SCD5: variants seen among roughly 807,000 people sequenced by gnomAD.
The protein encoded by SCD5 is stearoyl-CoA desaturase 5.
A neutral mutation model predicts 30.4 loss-of-function variants in SCD5; 20 were observed. That is an observed-to-expected ratio of 0.66 (90% CI 0.46 to 0.96). The LOEUF (loss-of-function observed/expected upper bound fraction) is 0.96, where lower values mean the gene tolerates loss of function less well. Ranked by LOEUF, SCD5 falls within the 40% of genes least tolerant of loss-of-function variation. The pLI, the probability that SCD5 is intolerant of heterozygous loss-of-function variation, is 0.00. For synonymous variants in SCD5, 173 were observed against 176.4 expected (o/e 0.98, Z 0.16); for missense variants, 381 against 443.3 (o/e 0.86, Z 1.26).
chr4:82,655,508 T>C (rs1017089457), intron 3 of SCD5, among the ~76,000 whole-genome samples: 1 of 152,200 alleles, frequency 6.6e-6, no homozygotes, highest in Non-Finnish European at 1.5e-5. Flanking sequence ...TGAGTGTCTT[T>C]AAGTCGCTGC....
chr4:82,754,220 G>A (rs781656651), intron 1 of SCD5, among the ~76,000 whole-genome samples: 13 of 152,292 alleles, frequency 8.5e-5, no homozygotes, highest in Admixed American at 3.9e-4. Flanking sequence ...GAAATCAGAA[G>A]AGAAAGGAGA....
chr4:82,698,665 T>C (rs1306702852), intron 2 of SCD5, among the ~76,000 whole-genome samples: 1 of 152,196 alleles, frequency 6.6e-6, no homozygotes, highest in Admixed American at 6.5e-5. Context: ...GCTGGCCATC[T>C]TTCTGCTCCT....
At chr4:82,795,705 C>G (rs988659180) in intron 1 of SCD5, among the ~76,000 whole-genome samples, 1 of 150,564 alleles carries the variant, frequency 6.6e-6, no homozygotes, top group African/African-American at 2.5e-5. Flanking sequence ...ACCTGTAGTC[C>G]CAGCTACTTG....
chr4:82,754,480 C>T (rs536115574), intron 1 of SCD5, among the ~76,000 whole-genome samples: 117 of 152,274 alleles, frequency 7.7e-4, no homozygotes, highest in Non-Finnish European at 1.4e-3. Flanking sequence ...CTGGGTGGTC[C>T]TAAGAGGGAG....
chr4:82,745,500 T>A (rs914889074), intron 1 of SCD5, among the ~76,000 whole-genome samples: 5 of 152,108 alleles, frequency 3.3e-5, no homozygotes, highest in Non-Finnish European at 7.3e-5. Context: ...TAACCCAATG[T>A]TTGTTTGTTT....
intron 1 of SCD5, among the ~76,000 whole-genome samples, chr4:82,742,498 C>T (rs4629439): frequency 0.87 from 131,920 of 152,234 alleles, 57,475 homozygotes; most frequent in African/African-American, 0.94. Flanking sequence ...TAAAGATGCA[C>T]CTTTCTGGCC....
At chr4:82,659,429 T>C (rs994949462) in intron 3 of SCD5, among the ~76,000 whole-genome samples, 1 of 152,236 alleles carries the variant, frequency 6.6e-6, no homozygotes, top group African/African-American at 2.4e-5. Context: ...TATTAGGATG[T>C]CAATTTTAGA....
In SCD5 at chr4:82,631,160, G is replaced by A; in HGVS notation, c.*167C>T. ...AACGAAAGTTTTTTCATTGATAATT[G>A]TATTTCAACATTATTTTGAGATAAA... is the stretch of plus-strand genomic sequence containing the variant. On this transcript the variant is annotated 3_prime_UTR_variant, in exon 5 of 5. Coordinates refer to ENST00000319540, the MANE Select transcript of SCD5 (RefSeq NM_001037582.3). 1 of 523,842 alleles carries A rather than the reference G, an allele frequency of 1.9e-6. No homozygotes were observed. 32.4% of individuals were successfully genotyped at this position (523,842 alleles called of 1,614,324 possible).
chr4:82,692,978 G>C (rs753763583), intron 2 of SCD5, among the ~76,000 whole-genome samples: 1 of 152,188 alleles, frequency 6.6e-6, no homozygotes, highest in East Asian at 1.9e-4. Flanking sequence ...CTGGGGAAGC[G>C]AGGAGGAGAC....
At chr4:82,682,057 T>G (rs1164130403) in intron 2 of SCD5, among the ~76,000 whole-genome samples, 4 of 152,192 alleles carry the variant, frequency 2.6e-5, no homozygotes, top group Admixed American at 2.6e-4. Context: ...GGGGACAACT[T>G]TGGCTCCTTG....
intron 3 of SCD5, among the ~76,000 whole-genome samples, chr4:82,646,107 G>A (rs1727630036): frequency 6.6e-6 from 1 of 152,184 alleles, no homozygotes; most frequent in African/African-American, 2.4e-5. Context: ...CAACGGGTGA[G>A]AAAGAAATTA....
chr4:82,648,368 G>A (rs1213010917), intron 3 of SCD5, among the ~76,000 whole-genome samples: 1 of 152,216 alleles, frequency 6.6e-6, no homozygotes, highest in Non-Finnish European at 1.5e-5. Context: ...TGTGAAGAGG[G>A]TGTGTTGGGA....
intron 1 of SCD5, among the ~76,000 whole-genome samples, chr4:82,749,774 C>A (rs745863694): frequency 1.3e-5 from 2 of 152,230 alleles, no homozygotes. Flanking sequence ...GATACTAACA[C>A]ATTAGAAATC....
Position 82,793,827 on chromosome 4 carries a change from G to T in SCD5, c.232+4479C>A, listed in dbSNP as rs573241236. Among the ~76,000 whole-genome samples, 3 of 152,240 alleles carry T rather than the reference G, an allele frequency of 2.0e-5. No homozygotes were observed. The South Asian group carries it at 6.2e-4, about 32-fold the overall frequency. On this transcript the variant is annotated intron_variant, in intron 1 of 4. Transcript: ENST00000319540. ...GCTGGTAAGTAAGTAGAAGAGCAGGGATTCACATTCAGATCTGCCTGTCTA... is the reference window on the plus strand; with the variant it reads ...GCTGGTAAGTAAGTAGAAGAGCAGGTATTCACATTCAGATCTGCCTGTCTA...
intron 3 of SCD5, among the ~76,000 whole-genome samples, chr4:82,645,806 AC>A (rs1335564348): frequency 6.6e-6 from 1 of 152,254 alleles, no homozygotes; most frequent in African/African-American, 2.4e-5. Flanking sequence ...TAGTCTTGAA[AC>A]AAAAAATGTA....
intron 1 of SCD5, among the ~76,000 whole-genome samples, chr4:82,790,819 G>C (rs913183854): frequency 6.6e-5 from 10 of 152,070 alleles, no homozygotes; most frequent in Non-Finnish European, 1.3e-4. Context: ...AAAAAAGCCA[G>C]GGCATCTCTT....
chr4:82,729,944 T>G (rs1486881510), intron 1 of SCD5, among the ~76,000 whole-genome samples: 1 of 152,158 alleles, frequency 6.6e-6, no homozygotes, highest in Admixed American at 6.6e-5. Flanking sequence ...ACTTGCTGCC[T>G]TAGAAACTCA....
At position 82,629,963 on chromosome 4, in the gene SCD5, T is replaced by C. The variant is rs998631984; in HGVS notation, c.*1364A>G. 1 of 152,236 alleles carries C rather than the reference T, an allele frequency of 6.6e-6. No individual in the cohort carries two copies. Among genetic ancestry groups the C allele is most frequent in the Non-Finnish European group, 1.5e-5 (1 of 68,052 alleles). The allele number at this position is 152,236 out of a possible 1,614,324, so 9.4% of individuals were successfully genotyped here. On this transcript the variant is annotated 3_prime_UTR_variant, in exon 5 of 5. Coordinates refer to ENST00000319540, the MANE Select transcript of SCD5 (RefSeq NM_001037582.3). ...ATAACTGTTGGTTCTCAAGATCTGA[T>C]GGTCTGATGTGGAAAATTAATATGC... is the stretch of plus-strand genomic sequence containing the variant.
intron 1 of SCD5, 39 bp from the exon 2 acceptor site, chr4:82,705,452 C>CT: frequency 6.2e-7 from 1 of 1,609,716 alleles, no homozygotes; most frequent in Non-Finnish European, 8.5e-7. Context: ...ACAATGGTCC[C>CT]TGAGCTTTCA....
Sources: allele counts gnomAD v4.1 joint callset (sites outside exome capture counted in the v4.1 genomes callset), GRCh38; gene constraint gnomAD v4.1.1; transcripts MANE v1.5; gene names NCBI Gene and HGNC (gene_info 2026-07-23, HGNC 2026-07-21).